LDB2: variants seen among roughly 807,000 people sequenced by gnomAD.
LDB2 encodes the protein LIM domain-binding protein 2.
Under a neutral mutation model 44.3 loss-of-function variants are expected in LDB2, and 12 were observed. The ratio of observed to expected loss-of-function variants is 0.27; its 90% CI spans 0.17 to 0.44. The LOEUF is 0.44. Ranked by LOEUF, LDB2 falls within the 20% of genes least tolerant of loss-of-function variation. The probability of loss-of-function intolerance (pLI) is 1.00; values close to 1 mark genes in which losing one functional copy is unlikely to be tolerated. For synonymous variants in LDB2, 164 were observed against 174.8 expected (o/e 0.94, Z 0.49); for missense variants, 344 against 473.5 (o/e 0.73, Z 2.54).
chr4:16,568,967 C>G (rs889864336), intron 5 of LDB2, among the ~76,000 whole-genome samples: 2 of 152,144 alleles, frequency 1.3e-5, no homozygotes, highest in Non-Finnish European at 2.9e-5. Flanking sequence ...CCAAGAATTC[C>G]AAAACTTATG....
chr4:16,813,188 G>T (rs1415579071), intron 1 of LDB2, among the ~76,000 whole-genome samples: 2 of 152,126 alleles, frequency 1.3e-5, no homozygotes, highest in African/African-American at 4.8e-5. Context: ...GTTTCGCCAT[G>T]TTGGTCAGTC....
rs56114847 is a variant in LDB2, at chr4:16,763,439, T to TACACACACACACACACACAC, written c.133-4199_133-4180dup. Among the ~76,000 whole-genome samples the TACACACACACACACACACAC allele has an allele frequency of 2.1e-3, 297 of 141,174 alleles. 2 individuals are homozygous for TACACACACACACACACACAC. The highest frequency in any genetic ancestry group is 2.7e-3 in the Non-Finnish European group (179 of 65,430). The allele number at this position is 141,174 out of a possible 152,430, so 92.6% of individuals were successfully genotyped here. ...CAATCTCCCCCCATATGTAAACACG[T>TACACACACACACACACACAC]ACACACACACACACACACACACACA... On this transcript the variant is annotated intron_variant, in intron 1 of 7. Coordinates refer to ENST00000304523, the MANE Select transcript of LDB2 (RefSeq NM_001290.5).
chr4:16,895,563 A>T (rs60141238), intron 1 of LDB2, among the ~76,000 whole-genome samples: 9 of 143,028 alleles, frequency 6.3e-5, no homozygotes, highest in East Asian at 2.4e-4. Flanking sequence ...TGTGTGTGTG[A>T]GAGAGATATT....
At chr4:16,555,736 T>C (rs909548250) in intron 5 of LDB2, among the ~76,000 whole-genome samples, 31 of 152,222 alleles carry the variant, frequency 2.0e-4, no homozygotes, top group African/African-American at 7.5e-4. Context: ...GACAGATGTA[T>C]CTGCTCTCAC....
intron 1 of LDB2, among the ~76,000 whole-genome samples, chr4:16,766,510 ATTT>A (rs33921094): frequency 3.9e-4 from 50 of 127,038 alleles, no homozygotes; most frequent in African/African-American, 8.0e-4. Flanking sequence ...GTGTGTATAT[ATTT>A]TTTTTTTTTT....
Position 16,741,895 on chromosome 4 carries a change from A to G in LDB2, c.235+17263T>C, listed in dbSNP as rs181102529. 5.3e-3 allele frequency among the ~76,000 whole-genome samples: 806 copies of G among 152,322 alleles called. 6 individuals are homozygous for G. The highest frequency in any genetic ancestry group is 0.019 in the African/African-American group (771 of 41,578). On this transcript the variant is annotated intron_variant, in intron 2 of 7. Coordinates refer to ENST00000304523, the MANE Select transcript of LDB2 (RefSeq NM_001290.5). ...CTAAATTATCTATGATCTAGAGTCT[A>G]TATTTTAAACCTTATGAGGTCAGGG...
intron 2 of LDB2, among the ~76,000 whole-genome samples, chr4:16,684,423 C>T (rs1054658760): frequency 6.6e-6 from 1 of 152,110 alleles, no homozygotes; most frequent in African/African-American, 2.4e-5. Context: ...TAAGAACTAA[C>T]AAATGAAGAA....
chr4:16,623,318 C>T (rs1729380753), intron 2 of LDB2, among the ~76,000 whole-genome samples: 1 of 152,138 alleles, frequency 6.6e-6, no homozygotes, highest in South Asian at 2.1e-4. Context: ...TGACTATCGG[C>T]CGGACGCAGT....
intron 1 of LDB2, among the ~76,000 whole-genome samples, chr4:16,782,983 T>C (rs925083040): frequency 3.9e-5 from 6 of 152,300 alleles, no homozygotes; most frequent in Non-Finnish European, 8.8e-5. Flanking sequence ...TTTAGTTAAA[T>C]GGTGCTGGGA....
At chr4:16,801,236 G>C (rs1406239804) in intron 1 of LDB2, among the ~76,000 whole-genome samples, 3 of 152,140 alleles carry the variant, frequency 2.0e-5, no homozygotes, top group Non-Finnish European at 4.4e-5. Context: ...AAGCCCCTGG[G>C]CTTCATGAAC....
At chr4:16,776,892 T>C (rs778490411) in intron 1 of LDB2, among the ~76,000 whole-genome samples, 7 of 152,198 alleles carry the variant, frequency 4.6e-5, no homozygotes, top group Admixed American at 6.5e-5. Context: ...TTTAGAGCTA[T>C]CCAGGTCTTC....
At chr4:16,863,862 G>A (rs1326553877) in intron 1 of LDB2, among the ~76,000 whole-genome samples, 1 of 151,884 alleles carries the variant, frequency 6.6e-6, no homozygotes, top group African/African-American at 2.4e-5. Flanking sequence ...GGGTTTTTCC[G>A]TGTTAGCCAG....
chr4:16,750,106 C>T (rs114812032), intron 2 of LDB2, among the ~76,000 whole-genome samples: 3,009 of 152,164 alleles, frequency 0.02, 43 homozygotes, highest in Admixed American at 0.029. Flanking sequence ...ACTAATATAG[C>T]CATATCCTTC....
chr4:16,645,470 G>A (rs1385742448), intron 2 of LDB2, among the ~76,000 whole-genome samples: 1 of 150,852 alleles, frequency 6.6e-6, no homozygotes, highest in Admixed American at 6.6e-5. Flanking sequence ...CCGGGAAGCG[G>A]AGCCTGCAGT....
At chr4:16,562,108 T>C (rs1742570484) in intron 5 of LDB2, among the ~76,000 whole-genome samples, 1 of 152,182 alleles carries the variant, frequency 6.6e-6, no homozygotes. Context: ...TCTAAAACCA[T>C]AAAAACCCTA....
intron 1 of LDB2, among the ~76,000 whole-genome samples, chr4:16,876,778 T>G (rs1718519253): frequency 6.6e-6 from 1 of 152,148 alleles, no homozygotes; most frequent in East Asian, 1.9e-4. Flanking sequence ...AAAACAAGGC[T>G]ATTTCTAGAA....
chr4:16,807,395 A>C (rs1232813734), intron 1 of LDB2, among the ~76,000 whole-genome samples: 1 of 152,250 alleles, frequency 6.6e-6, no homozygotes, highest in African/African-American at 2.4e-5. Context: ...CCTATAAACA[A>C]GGATGGAATA....
intron 1 of LDB2, among the ~76,000 whole-genome samples, chr4:16,786,599 A>G (rs906147826): frequency 6.6e-6 from 1 of 152,148 alleles, no homozygotes; most frequent in Admixed American, 6.5e-5. Context: ...ACACATATTC[A>G]AACAGAGAAA....
intron 1 of LDB2, among the ~76,000 whole-genome samples, chr4:16,772,934 C>T (rs1350342857): frequency 6.6e-6 from 1 of 152,160 alleles, no homozygotes; most frequent in Non-Finnish European, 1.5e-5. Flanking sequence ...GAATGGAGAA[C>T]CAAGACACAG....
Sources: allele counts gnomAD v4.1 joint callset (sites outside exome capture counted in the v4.1 genomes callset), GRCh38; gene constraint gnomAD v4.1.1; transcripts MANE v1.5; gene names NCBI Gene and HGNC (gene_info 2026-07-23, HGNC 2026-07-21).